USP32: variants seen among roughly 807,000 people sequenced by gnomAD.
USP32 encodes the protein ubiquitin carboxyl-terminal hydrolase 32.
USP32 carries 59 observed loss-of-function variants against 204.8 expected under a neutral mutation model. That is an observed-to-expected ratio of 0.29 (90% CI 0.23 to 0.36). The LOEUF is 0.36. USP32 is among the 10% of genes least tolerant of loss of function. The probability of loss-of-function intolerance (pLI) is 1.00; values close to 1 mark genes in which losing one functional copy is unlikely to be tolerated. For missense variants in USP32, 1,160 were observed against 1,946.4 expected (o/e 0.60, Z 7.60); for synonymous variants, 517 against 678.4 (o/e 0.76, Z 3.70).
At chr17:60,200,589 A>G (rs1401266656) in intron 26 of USP32, among the ~76,000 whole-genome samples, 1 of 152,056 alleles carries the variant, frequency 6.6e-6, no homozygotes, top group African/African-American at 2.4e-5. Flanking sequence ...CATTTCAAAT[A>G]ATTATCACAA....
At chr17:60,237,790 C>T (rs1275220850) in intron 11 of USP32, among the ~76,000 whole-genome samples, 1 of 152,138 alleles carries the variant, frequency 6.6e-6, no homozygotes, top group African/African-American at 2.4e-5. Flanking sequence ...GAATAATATT[C>T]CATGGTGTGT....
intron 33 of USP32, 27 bp downstream of exon 33, chr17:60,180,518 T>C (rs1202527107): frequency 6.2e-7 from 1 of 1,607,572 alleles, no homozygotes; most frequent in African/African-American, 1.3e-5. Flanking sequence ...TGTTTCTAAC[T>C]TTCATTCAAA....
chr17:60,291,527 CTGTGTGTGTATGTGTG>C (rs1567832092), intron 4 of USP32, among the ~76,000 whole-genome samples: 3 of 140,722 alleles, frequency 2.1e-5, no homozygotes, highest in Non-Finnish European at 4.5e-5. Context: ...GCTTCTCTCT[CTGTGTGTGTATGTGTG>C]TGTGTGTGTG....
chr17:60,231,294 G>A (rs1028492911), intron 12 of USP32, among the ~76,000 whole-genome samples: 41 of 152,254 alleles, frequency 2.7e-4, no homozygotes, highest in African/African-American at 9.9e-4. Context: ...TATTTCACTA[G>A]TGACTGAAAT....
chr17:60,205,453 T>C lies in USP32; in HGVS notation c.3243A>G (p.Arg1081=). 6.2e-7 allele frequency: 1 copy of C among 1,607,570 alleles called. No individual in the cohort carries two copies. The highest frequency in any genetic ancestry group is 8.5e-7 in the Non-Finnish European group (1 of 1,175,520). Residue 1081 remains arginine, a synonymous_variant, in exon 26 of 34, where the codon CGA becomes CGG. Coordinates refer to ENST00000300896, the MANE Select transcript of USP32 (RefSeq NM_032582.4). ...TGCCTAACATTTAACTAACCATTTT[T>C]CGGTGGACTGCAATGATGTAACCTG... ...PFTGYIIAVH[R]KMMRTELYFL...
intron 7 of USP32, among the ~76,000 whole-genome samples, chr17:60,268,547 G>A (rs2086653218): frequency 7.5e-6 from 1 of 133,904 alleles, no homozygotes; most frequent in Non-Finnish European, 1.5e-5. Flanking sequence ...CACTGCACTG[G>A]ACTCCAACTT....
intron 1 of USP32, chr17:60,421,252 CAACAACGACAACAAT>C: frequency 1.5e-6 from 1 of 647,392 alleles, no homozygotes; most frequent in Non-Finnish European, 1.9e-6. Context: ...CTTACAACAA[CAACAACGACAACAAT>C]AACAACAAGA....
chr17:60,402,494 C>T (rs1457879149), intron 1 of USP32, among the ~76,000 whole-genome samples: 3 of 152,090 alleles, frequency 2.0e-5, no homozygotes, highest in Non-Finnish European at 4.4e-5. Flanking sequence ...GTGATCCTAC[C>T]TCTTTGGCCT....
intron 1 of USP32, among the ~76,000 whole-genome samples, chr17:60,400,193 G>A (rs1370367619): frequency 6.6e-6 from 1 of 152,156 alleles, no homozygotes; most frequent in African/African-American, 2.4e-5. Context: ...TTGAACTCCT[G>A]ACCTCAGGTG....
At chr17:60,350,624 T>TTCTTATTTAA (rs1211393911) in intron 1 of USP32, among the ~76,000 whole-genome samples, 1 of 152,174 alleles carries the variant, frequency 6.6e-6, no homozygotes, top group Non-Finnish European at 1.5e-5. Context: ...GAAAATGATA[T>TTCTTATTTAA]TAGTTATCTT....
intron 2 of USP32, among the ~76,000 whole-genome samples, chr17:60,316,799 C>G (rs1466538961): frequency 1.3e-5 from 2 of 152,112 alleles, no homozygotes; most frequent in Non-Finnish European, 2.9e-5. Context: ...AGAAATCACA[C>G]TATTGCACTC....
intron 9 of USP32, among the ~76,000 whole-genome samples, chr17:60,258,665 T>G (rs2086377500): frequency 6.6e-6 from 1 of 152,206 alleles, no homozygotes; most frequent in Non-Finnish European, 1.5e-5. Flanking sequence ...ACAGATATCT[T>G]CAATTTAATG....
intron 2 of USP32, chr17:60,316,271 T>C (rs533841512): frequency 1.8e-5 from 3 of 164,234 alleles, no homozygotes; most frequent in African/African-American, 7.2e-5. Context: ...AAAAATTCTC[T>C]CTTCCCTGTT....
chr17:60,392,006 CTCGGCGTCCCTGGGTGACGGTGACGGTG>C lies in USP32; in HGVS notation c.-95_-68del. ...GCCCCCACCCCCCTCCCGCCTTCTC[CTCGGCGTCCCTGGGTGACGGTGACGGTG>C]TCGGCGTCCCCCGCCCCCACCTCCC... On this transcript the variant is annotated 5_prime_UTR_variant, in exon 1 of 34. Transcript: ENST00000300896. The C allele has an allele frequency of 1.3e-6, 2 of 1,537,770 alleles. No individual in the cohort carries two copies. The highest frequency in any genetic ancestry group is 8.8e-7 in the Non-Finnish European group (1 of 1,134,722).
rs1324232887 is a variant in USP32, at chr17:60,179,115, A to G, written c.*140T>C. The G allele has an allele frequency of 2.1e-6, 2 of 973,360 alleles. No homozygotes were observed. The highest frequency in any genetic ancestry group is 3.3e-5 in the African/African-American group (2 of 60,258). The allele number at this position is 973,360 out of a possible 1,614,324, so 60.3% of individuals were successfully genotyped here. A position where few individuals can be genotyped will look rare whatever the true frequency, so the allele number is the denominator to read the frequency against. On this transcript the variant is annotated 3_prime_UTR_variant, in exon 34 of 34. Transcript: ENST00000300896. The stretch of plus-strand genomic sequence containing the variant: ...ACTCTTAAAGTTAACTATTTTAATT[A>G]GAATTTTTATTTTGTGCTTCAGGGC...
rs115189846 is a variant in USP32 at position 60,250,870 on chromosome 17, T to C, written c.1136+1511A>G. Among the ~76,000 whole-genome samples the C allele has an allele frequency of 9.0e-3, 1,372 of 151,766 alleles. 23 individuals are homozygous for C. Among genetic ancestry groups the C allele is most frequent in the African/African-American group, 0.03 (1,264 of 41,452 alleles). On this transcript the variant is annotated intron_variant, in intron 11 of 33. Coordinates refer to ENST00000300896, the MANE Select transcript of USP32 (RefSeq NM_032582.4). ...TTTATGAAAGCAACATTTAAAAAAA[T>C]AGATTTTGCTTAATCTTCTTTAAGA...
At chr17:60,376,592 T>C (rs1364883975) in intron 1 of USP32, among the ~76,000 whole-genome samples, 2 of 151,980 alleles carry the variant, frequency 1.3e-5, no homozygotes, top group Non-Finnish European at 2.9e-5. Flanking sequence ...GAGGCAATCT[T>C]GGCTCATTGC....
At position 60,343,832 on chromosome 17, in the gene USP32, G is replaced by A. The variant is rs551951866; in HGVS notation, c.186+1649C>T. Among the ~76,000 whole-genome samples, 10 of 152,248 alleles carry A rather than the reference G, an allele frequency of 6.6e-5. No individual in the cohort carries two copies. The South Asian group carries it at 2.1e-3, about 32-fold the overall frequency. The stretch of plus-strand genomic sequence containing the variant: ...AGGTCACCTGCGGTCAGGAGTTCAA[G>A]ACCAGCCTGGCCAACATGGTGAAAC... On this transcript the variant is annotated intron_variant, in intron 2 of 33. Transcript: ENST00000300896.
At chr17:60,223,852 T>G (rs2085317445) in intron 13 of USP32, among the ~76,000 whole-genome samples, 1 of 152,202 alleles carries the variant, frequency 6.6e-6, no homozygotes, top group African/African-American at 2.4e-5. Flanking sequence ...ATAATGAGAA[T>G]TATATGTCCT....
Sources: gnomAD v4.1 joint callset for allele counts (sites outside exome capture counted in the v4.1 genomes callset) on GRCh38, gnomAD v4.1.1 for gene constraint, MANE v1.5 for transcripts, NCBI Gene and HGNC (gene_info 2026-07-23, HGNC 2026-07-21) for gene names.